CSMD1: variants seen among roughly 807,000 people sequenced by gnomAD.
CSMD1 encodes the protein CUB and sushi domain-containing protein 1.
In CSMD1, 213 loss-of-function variants were observed where a neutral mutation model predicts 417.5. The observed-to-expected ratio is 0.51, with a 90% confidence interval of 0.46 to 0.57. The LOEUF is 0.57. Among genes scored for constraint, CSMD1 ranks in the 20% least tolerant of loss-of-function variants. CSMD1 has a pLI of 0.00. For synonymous variants in CSMD1, 2,862 were observed against 1,736.8 expected (o/e 1.65, Z -16.11); for missense variants, 6,923 against 4,529.7 (o/e 1.53, Z -15.17).
intron 7 of CSMD1, among the ~76,000 whole-genome samples, chr8:3,694,969 T>C (rs190408498): frequency 1.2e-4 from 18 of 152,032 alleles, no homozygotes; most frequent in Admixed American, 6.6e-4. Flanking sequence ...GTAGTGAAAA[T>C]TGTATCCTAC....
chr8:3,393,179 C>T (rs557307450), intron 17 of CSMD1, among the ~76,000 whole-genome samples: 2 of 152,206 alleles, frequency 1.3e-5, no homozygotes, highest in East Asian at 1.9e-4. Flanking sequence ...CCTTTGAGAG[C>T]CTTCTGGAAG....
chr8:3,876,163 T>C (rs1805802724), intron 5 of CSMD1, among the ~76,000 whole-genome samples: 2 of 152,222 alleles, frequency 1.3e-5, no homozygotes, highest in South Asian at 4.1e-4. Flanking sequence ...GTGACAGTCA[T>C]GTTTTGTGAA....
In CSMD1 at chr8:3,087,107, T is replaced by G; in HGVS notation, c.7464A>C (p.Pro2488=). The change falls in exon 49 of 70, where the codon CCA becomes CCC. Residue 2488 remains proline, a synonymous_variant. Transcript: ENST00000635120. ...AAACGCATTTCTTACCCTGGCAGAG[T>G]GGCGTGAGGGAGTCCCACTGGTACA... The part of the protein sequence containing the change: ...LGMYQWDSLT[P]LCQAVSCGIP... The G allele has an allele frequency of 6.2e-7, 1 of 1,612,862 alleles. No individual in the cohort carries two copies. Among genetic ancestry groups the G allele is most frequent in the East Asian group, 2.2e-5 (1 of 44,850 alleles).
At chr8:3,803,387 C>T (rs147218470) in intron 5 of CSMD1, among the ~76,000 whole-genome samples, 5 of 152,228 alleles carry the variant, frequency 3.3e-5, no homozygotes, top group African/African-American at 9.6e-5. Flanking sequence ...ACTGAACCCA[C>T]GCTGGAGAGG....
intron 5 of CSMD1, among the ~76,000 whole-genome samples, chr8:3,941,362 G>A (rs558954577): frequency 7.9e-5 from 12 of 152,144 alleles, no homozygotes; most frequent in African/African-American, 1.2e-4. Context: ...AATGAATGCT[G>A]ATAATAATTT....
intron 1 of CSMD1, among the ~76,000 whole-genome samples, chr8:4,808,963 C>T (rs1280181904): frequency 6.6e-6 from 1 of 152,170 alleles, no homozygotes; most frequent in Non-Finnish European, 1.5e-5. Context: ...CATAAGAGAT[C>T]CAGAAAATCT....
At chr8:3,203,055 A>G (rs1797073329) in intron 31 of CSMD1, among the ~76,000 whole-genome samples, 2 of 152,200 alleles carry the variant, frequency 1.3e-5, no homozygotes, top group African/African-American at 4.8e-5. Flanking sequence ...AACTTGGGTC[A>G]CAAAAGTGAA....
At chr8:3,307,300 C>T (rs1449436221) in intron 25 of CSMD1, among the ~76,000 whole-genome samples, 1 of 151,964 alleles carries the variant, frequency 6.6e-6, no homozygotes, top group Non-Finnish European at 1.5e-5. Context: ...GGGGCTCCTG[C>T]TTTCCCAACC....
chr8:3,213,014 G>A (rs1797700957), intron 30 of CSMD1, among the ~76,000 whole-genome samples: 1 of 151,778 alleles, frequency 6.6e-6, no homozygotes, highest in Admixed American at 6.6e-5. Flanking sequence ...ATTTTTAGTA[G>A]AAAGGGGGTT....
At chr8:4,169,714 C>G (rs561631957) in intron 3 of CSMD1, among the ~76,000 whole-genome samples, 1 of 152,138 alleles carries the variant, frequency 6.6e-6, no homozygotes, top group Non-Finnish European at 1.5e-5. Context: ...GGCTTGCTCC[C>G]TACCCCATTC....
intron 26 of CSMD1, among the ~76,000 whole-genome samples, chr8:3,267,357 G>A (rs1360675057): frequency 6.6e-6 from 1 of 152,222 alleles, no homozygotes; most frequent in Non-Finnish European, 1.5e-5. Flanking sequence ...AAGGGGTGTT[G>A]ATGCATTGGA....
At chr8:4,918,202 G>C (rs897734544) in intron 1 of CSMD1, among the ~76,000 whole-genome samples, 27 of 152,294 alleles carry the variant, frequency 1.8e-4, no homozygotes, top group African/African-American at 5.8e-4. Context: ...ATTACGAAGG[G>C]GATGATGCTG....
rs555834912 is a variant in CSMD1, at chr8:4,292,716, A to G, written c.415+127237T>C. On this transcript the variant is annotated intron_variant, in intron 3 of 69. Transcript: ENST00000635120. ...ATTCAGTTTATTTTTTCTATGTTAT[A>G]GTCTTAATATTAGGCCTCTAGTATC... Among the ~76,000 whole-genome samples the G allele has an allele frequency of 3.1e-3, 466 of 152,276 alleles. 1 individual carries two copies. Among genetic ancestry groups the G allele is most frequent in the African/African-American group, 0.011 (445 of 41,546 alleles).
chr8:4,720,824 G>A (rs1347272667), intron 1 of CSMD1, among the ~76,000 whole-genome samples: 1 of 152,120 alleles, frequency 6.6e-6, no homozygotes, highest in African/African-American at 2.4e-5. Flanking sequence ...ACGGCCATAA[G>A]GAACACAGAA....
chr8:4,834,716 G>A (rs1800356161), intron 1 of CSMD1, among the ~76,000 whole-genome samples: 1 of 151,948 alleles, frequency 6.6e-6, no homozygotes, highest in African/African-American at 2.4e-5. Flanking sequence ...CAGCACTTTG[G>A]GAGGCCGAGG....
intron 50 of CSMD1, among the ~76,000 whole-genome samples, chr8:3,051,676 T>C (rs758047684): frequency 3.3e-5 from 5 of 152,250 alleles, no homozygotes; most frequent in Non-Finnish European, 7.3e-5. Flanking sequence ...AAAAAGATTA[T>C]AGAACCATAA....
chr8:4,200,147 A>T (rs377087103), intron 3 of CSMD1, among the ~76,000 whole-genome samples: 1 of 152,228 alleles, frequency 6.6e-6, no homozygotes, highest in Admixed American at 6.5e-5. Context: ...TTAACATTAT[A>T]GTCTGAAATT....
chr8:3,533,746 G>A (rs572126273), intron 10 of CSMD1, among the ~76,000 whole-genome samples: 1 of 152,160 alleles, frequency 6.6e-6, no homozygotes. Context: ...GCTCCAAGGT[G>A]CTTGAGGCAT....
At chr8:4,364,963 T>C (rs1801981651) in intron 3 of CSMD1, among the ~76,000 whole-genome samples, 1 of 151,928 alleles carries the variant, frequency 6.6e-6, no homozygotes, top group Non-Finnish European at 1.5e-5. Flanking sequence ...GCAAGGGATT[T>C]AATATGTTTA....
Sources: allele counts gnomAD v4.1 joint callset (sites outside exome capture counted in the v4.1 genomes callset), GRCh38; gene constraint gnomAD v4.1.1; transcripts MANE v1.5; gene names NCBI Gene and HGNC (gene_info 2026-07-23, HGNC 2026-07-21).